FBXW8: variants seen among roughly 807,000 people sequenced by gnomAD.
The protein encoded by FBXW8 is F-box/WD repeat-containing protein 8.
FBXW8 carries 57 observed loss-of-function variants against 65.3 expected under a neutral mutation model. That is an observed-to-expected ratio of 0.87 (90% CI 0.71 to 1.09). FBXW8 has a LOEUF of 1.09. FBXW8 is among the 50% of genes least tolerant of loss of function. The pLI is 0.00. For missense variants in FBXW8, 777 were observed against 814.8 expected, an observed-to-expected ratio of 0.95 and a Z score of 0.57; for synonymous variants, 308 against 330.2, an observed-to-expected ratio of 0.93 and a Z score of 0.73.
At chr12:116,950,704 A>G (rs917828131) in intron 4 of FBXW8, 10 of 152,166 alleles carry the variant, frequency 6.6e-5, no homozygotes, top group African/African-American at 1.9e-4. Flanking sequence ...TTCACTGGCT[A>G]TGATTTAGAG....
chr12:116,990,348 T>C (rs1279706996), intron 7 of FBXW8, among the ~76,000 whole-genome samples: 1 of 152,208 alleles, frequency 6.6e-6, no homozygotes. Flanking sequence ...AGATGTGTCA[T>C]GATATTACTC....
intron 5 of FBXW8, among the ~76,000 whole-genome samples, chr12:116,974,611 C>T (rs1459979838): frequency 6.6e-6 from 1 of 152,170 alleles, no homozygotes. Context: ...GTAAAATTCA[C>T]AATGTCTGTC....
At chr12:116,980,552 G>A (rs886567292) in intron 5 of FBXW8, 2 of 152,128 alleles carry the variant, frequency 1.3e-5, no homozygotes, top group Non-Finnish European at 2.9e-5. Context: ...ACAGTGTCAG[G>A]AGCCAAATCC....
intron 1 of FBXW8, among the ~76,000 whole-genome samples, chr12:116,926,755 C>A (rs962740878): frequency 6.6e-6 from 1 of 152,040 alleles, no homozygotes; most frequent in East Asian, 1.9e-4. Context: ...CTCCAGAGAT[C>A]CCTTTTGGCC....
chr12:116,970,126 G>A (rs925599066), intron 5 of FBXW8, among the ~76,000 whole-genome samples: 1 of 152,186 alleles, frequency 6.6e-6, no homozygotes, highest in African/African-American at 2.4e-5. Context: ...CTTTGGCCTC[G>A]TGCCACAGCA....
At chr12:117,000,923 G>A (rs529679880) in intron 7 of FBXW8, among the ~76,000 whole-genome samples, 18 of 152,326 alleles carry the variant, frequency 1.2e-4, no homozygotes, top group African/African-American at 2.9e-4. Context: ...CACGAGCTGC[G>A]CTCCACCTAG....
At chr12:117,025,008 A>G (rs1353847303) in intron 9 of FBXW8, among the ~76,000 whole-genome samples, 1 of 152,190 alleles carries the variant, frequency 6.6e-6, no homozygotes, top group African/African-American at 2.4e-5. Context: ...AGACATTTCC[A>G]GTGAGCCTGC....
intron 8 of FBXW8, among the ~76,000 whole-genome samples, chr12:117,017,305 G>A (rs182009350): frequency 6.6e-5 from 10 of 152,238 alleles, no homozygotes; most frequent in Non-Finnish European, 1.0e-4. Context: ...ATCTAATGCC[G>A]GTCCAGAAAG....
chr12:116,967,900 G>A (rs1344648659), intron 5 of FBXW8, among the ~76,000 whole-genome samples: 1 of 152,104 alleles, frequency 6.6e-6, no homozygotes, highest in African/African-American at 2.4e-5. Context: ...CTGAGTAGCT[G>A]GGATTACAGG....
rs1186430012 is a variant in FBXW8, at chr12:116,988,814, C to T, written c.1184C>T (p.Ala395Val). The change falls in exon 7 of 11, where the codon GCC (alanine) becomes GTC (valine). Residue 395 changes from alanine to valine, a missense_variant. Ala to Val is a moderately conservative substitution (Grantham distance 64). Coordinates refer to ENST00000652555, the MANE Select transcript of FBXW8 (RefSeq NM_153348.3). ...GPPVTCLDVS[A>V]NQVAFGVQGL... ...CCTGTCACATGTCTAGACGTCTCGG[C>T]CAACCAAGTTGCTTTTGGTGTACAG... 1.6e-5 allele frequency: 26 copies of T among 1,614,076 alleles called. No homozygotes were observed. Among genetic ancestry groups the T allele is most frequent in the Non-Finnish European group, 2.2e-5 (26 of 1,180,026 alleles).
chr12:116,920,805 G>C (rs1395375929), intron 1 of FBXW8, among the ~76,000 whole-genome samples: 1 of 152,184 alleles, frequency 6.6e-6, no homozygotes, highest in African/African-American at 2.4e-5. Context: ...AGCCAATCCT[G>C]ATGGTGGGAA....
intron 8 of FBXW8, among the ~76,000 whole-genome samples, chr12:117,022,093 G>T (rs1165729856): frequency 6.6e-6 from 1 of 152,158 alleles, no homozygotes; most frequent in Non-Finnish European, 1.5e-5. Context: ...AGTTAACTTA[G>T]CCCTGGAGGC....
At chr12:116,927,953 AGGGC>A (rs1165595883) in intron 1 of FBXW8, 66 bp from the exon 2 acceptor site, 2 of 906,452 alleles carry the variant, frequency 2.2e-6, no homozygotes, top group Non-Finnish European at 3.5e-6. Flanking sequence ...GGTCATTTAA[AGGGC>A]CTGTAAATTT....
At chr12:116,972,686 G>C (rs1048484877) in intron 5 of FBXW8, among the ~76,000 whole-genome samples, 1 of 152,156 alleles carries the variant, frequency 6.6e-6, no homozygotes, top group South Asian at 2.1e-4. Flanking sequence ...GAGAAGGAAG[G>C]CTCAAGTACG....
chr12:117,005,416 CAGGAACCTTAGAGTT>C (rs757467997), intron 7 of FBXW8, among the ~76,000 whole-genome samples: 2 of 152,160 alleles, frequency 1.3e-5, no homozygotes, highest in Non-Finnish European at 2.9e-5. Flanking sequence ...TCTCTGTCCC[CAGGAACCTTAGAGTT>C]AGGAACCTTA....
chr12:116,962,402 TTG>T (rs1288691759), intron 4 of FBXW8, among the ~76,000 whole-genome samples: 1 of 152,184 alleles, frequency 6.6e-6, no homozygotes, highest in East Asian at 1.9e-4. Context: ...TCCGAACTCT[TTG>T]TGTTCAGGGA....
intron 2 of FBXW8, among the ~76,000 whole-genome samples, chr12:116,931,945 A>G (rs950031930): frequency 1.3e-5 from 2 of 151,808 alleles, no homozygotes; most frequent in South Asian, 2.1e-4. Context: ...AAAGCTTTCA[A>G]CTTTTTACTA....
intron 1 of FBXW8, among the ~76,000 whole-genome samples, chr12:116,916,449 C>A (rs929186594): frequency 2.6e-5 from 4 of 152,182 alleles, no homozygotes; most frequent in African/African-American, 9.7e-5. Flanking sequence ...TTGGGAAATA[C>A]ATGCCATGGC....
At chr12:116,988,066 A>G (rs1402243620) in intron 6 of FBXW8, among the ~76,000 whole-genome samples, 1 of 152,252 alleles carries the variant, frequency 6.6e-6, no homozygotes, top group Non-Finnish European at 1.5e-5. Context: ...ATTCCAGCGT[A>G]TAGATACACT....
Sources: gnomAD v4.1 joint callset for allele counts (sites outside exome capture counted in the v4.1 genomes callset) on GRCh38, gnomAD v4.1.1 for gene constraint, MANE v1.5 for transcripts, NCBI Gene and HGNC (gene_info 2026-07-23, HGNC 2026-07-21) for gene names.